The following NLRP1 variants were observed in gnomAD, a reference collection of about 807,000 sequenced individuals.
NLRP1 encodes NACHT, LRR and PYD domains-containing protein 1.
NLRP1 carries 94 observed loss-of-function variants against 136.7 expected under a neutral mutation model. The observed-to-expected ratio is 0.69, with a 90% CI of 0.58 to 0.82. The LOEUF is 0.82. NLRP1 is among the 40% of genes least tolerant of loss of function. NLRP1 has a pLI of 0.00. For missense variants in NLRP1, 1,575 were observed against 1,802.7 expected, an observed-to-expected ratio of 0.87 and a Z score of 2.29; for synonymous variants, 690 against 725.1, an observed-to-expected ratio of 0.95 and a Z score of 0.78.
chr17:5,519,447 T>A (rs1597395410), intron 14 of NLRP1, among the ~76,000 whole-genome samples: 2 of 135,672 alleles, frequency 1.5e-5, no homozygotes, highest in East Asian at 2.0e-4. Flanking sequence ...CACCTGGCCT[T>A]TTTTTTTTTT....
chr17:5,581,861 G>A lies in NLRP1; in HGVS notation c.650C>T (p.Thr217Ile), dbSNP rs748458090. Residue 217 changes from threonine to isoleucine, a missense_variant and splice_region_variant, in exon 3 of 17, where the codon ACA (threonine) becomes ATA (isoleucine). Physicochemically the swap from Thr to Ile is moderately conservative, Grantham distance 89. Coordinates refer to ENST00000572272, the MANE Select transcript of NLRP1 (RefSeq NM_033004.4). ...CCAGGAGCTCAGTAGGGTCTCACCT[G>A]TGTAGTAAATTCCTGACGTTTCATC... ...PLDETSGIYY[T>I]EIREREREKS... 2 of 1,611,022 alleles carry A rather than the reference G, an allele frequency of 1.2e-6. No individual in the cohort carries two copies. The highest frequency in any genetic ancestry group is 2.2e-5 in the East Asian group (1 of 44,842).
At chr17:5,532,237 ACT>A (rs1016520812) in intron 11 of NLRP1, among the ~76,000 whole-genome samples, 20 of 152,166 alleles carry the variant, frequency 1.3e-4, no homozygotes, top group African/African-American at 3.9e-4. Context: ...ACAGAGCAAG[ACT>A]CTGTCTCAAA....
At chr17:5,533,847 C>A in intron 9 of NLRP1, 50 bp downstream of exon 9, 1 of 1,267,020 alleles carries the variant, frequency 7.9e-7, no homozygotes, top group South Asian at 1.3e-5. Context: ...CCACAGCTGA[C>A]CTCCCCCAAC....
chr17:5,506,437 G>C (rs1462560780), intron 15 of NLRP1, among the ~76,000 whole-genome samples: 1 of 152,166 alleles, frequency 6.6e-6, no homozygotes, highest in Admixed American at 6.5e-5. Context: ...ACCCAAAAGA[G>C]TTGAAAACAA....
chr17:5,516,573 C>A (rs1356918160), intron 15 of NLRP1, among the ~76,000 whole-genome samples: 1 of 152,188 alleles, frequency 6.6e-6, no homozygotes, highest in Non-Finnish European at 1.5e-5. Flanking sequence ...AACATTGCTA[C>A]GATTTGTTAA....
At chr17:5,542,986 T>A (rs907759124) in intron 5 of NLRP1, among the ~76,000 whole-genome samples, 3 of 152,122 alleles carry the variant, frequency 2.0e-5, no homozygotes, top group Non-Finnish European at 2.9e-5. Context: ...CCTGCCACCA[T>A]GCCCGGCTAA....
rs139757374 is a variant in NLRP1, at chr17:5,541,203, G to A, written c.2699+654C>T. Among the ~76,000 whole-genome samples, 11 of 152,144 alleles carry A rather than the reference G, an allele frequency of 7.2e-5. No homozygotes were observed. Among genetic ancestry groups the A allele is most frequent in the South Asian group, 2.1e-4 (1 of 4,818 alleles). On this transcript the variant is annotated intron_variant, in intron 6 of 16. Coordinates refer to ENST00000572272, the MANE Select transcript of NLRP1 (RefSeq NM_033004.4). This position sits in a 1 kb window ranked among gnomAD's most constrained non-coding sequence, Gnocchi z 4.2. ...TGGGATTACAGGTGCCCACCATCAC[G>A]CCTGGCTACTTTGTGTAGTTTTAGT...
chr17:5,516,696 T>A (rs1232191046), intron 15 of NLRP1, among the ~76,000 whole-genome samples: 6 of 152,218 alleles, frequency 3.9e-5, no homozygotes, highest in African/African-American at 1.4e-4. Flanking sequence ...ATGAATTAAG[T>A]AATTTTCCCA....
chr17:5,575,370 A>G (rs1904907219), intron 3 of NLRP1, among the ~76,000 whole-genome samples: 2 of 152,236 alleles, frequency 1.3e-5, no homozygotes, highest in Non-Finnish European at 2.9e-5. Context: ...TGCTGTATTC[A>G]GGAAACCCAT....
Position 5,584,159 on chromosome 17 carries a change from G to C in NLRP1, c.-202C>G. On this transcript the variant is annotated 5_prime_UTR_variant, in exon 1 of 17. Coordinates refer to ENST00000572272, the MANE Select transcript of NLRP1 (RefSeq NM_033004.4). ...GTAGGAAAAGCCAGGGGAGGGAGGAGCCCAGAGGGGCCTGCAAGACACTGG... is the reference window on the plus strand; with the variant it reads ...GTAGGAAAAGCCAGGGGAGGGAGGACCCCAGAGGGGCCTGCAAGACACTGG... 1 of 599,584 alleles carries C rather than the reference G, an allele frequency of 1.7e-6. No homozygotes were observed. Among genetic ancestry groups the C allele is most frequent in the Non-Finnish European group, 2.9e-6 (1 of 340,622 alleles). The allele number at this position is 599,584 out of a possible 1,614,324, so 37.1% of individuals were successfully genotyped here.
Position 5,559,790 on chromosome 17 carries a change from A to G in NLRP1, c.906T>C (p.Asp302=). 1 of 1,614,190 alleles carries G rather than the reference A, an allele frequency of 6.2e-7. No individual in the cohort carries two copies. The highest frequency in any genetic ancestry group is 8.5e-7 in the Non-Finnish European group (1 of 1,180,026). The change falls in exon 4 of 17, where the codon GAT becomes GAC. Residue 302 remains aspartate, a synonymous_variant. Transcript: ENST00000572272. The part of the protein sequence containing the change: ...QDPLVKRSWP[D]YVEENRGHLI... ...AATGTCCTCGATTCTCCTCCACATA[A>G]TCAGGCCAGCTTCTCTTGACCAGGG...
chr17:5,508,230 C>A (rs57512487), intron 15 of NLRP1, among the ~76,000 whole-genome samples: 42,607 of 150,896 alleles, frequency 0.28, 6,421 homozygotes, highest in African/African-American at 0.4. Context: ...CCTAGGAGGC[C>A]GAGGTTGCAG....
At position 5,584,159 on chromosome 17, in the gene NLRP1, G is replaced by T; in HGVS notation, c.-202C>A. 1 of 599,584 alleles carries T rather than the reference G, an allele frequency of 1.7e-6. No individual in the cohort carries two copies. Among genetic ancestry groups the T allele is most frequent in the Admixed American group, 3.0e-5 (1 of 33,558 alleles). The allele number at this position is 599,584 out of a possible 1,614,324, so 37.1% of individuals were successfully genotyped here. A position where few individuals can be genotyped will look rare whatever the true frequency, so the allele number is the denominator to read the frequency against. Reference sequence around the variant, plus strand: ...GTAGGAAAAGCCAGGGGAGGGAGGAGCCCAGAGGGGCCTGCAAGACACTGG... The same window carrying T: ...GTAGGAAAAGCCAGGGGAGGGAGGATCCCAGAGGGGCCTGCAAGACACTGG... On this transcript the variant is annotated 5_prime_UTR_variant, in exon 1 of 17. Transcript: ENST00000572272.
downstream of NLRP1, chr17:5,512,467 C>T (rs1907704655): frequency 8.4e-6 from 6 of 712,940 alleles, no homozygotes; most frequent in South Asian, 6.4e-5. Flanking sequence ...ACAATGGAAA[C>T]ACACCATTGC....
At chr17:5,570,113 CA>C (rs1191772177) in intron 3 of NLRP1, among the ~76,000 whole-genome samples, 33 of 151,758 alleles carry the variant, frequency 2.2e-4, no homozygotes, top group Admixed American at 2.2e-3. Context: ...ACAGATAAAG[CA>C]GTGGAAAGTT....
chr17:5,515,426 C>G, intron 16 of NLRP1, 47 bp downstream of exon 16: 2 of 1,500,278 alleles, frequency 1.3e-6, no homozygotes, highest in African/African-American at 2.7e-5. Context: ...CAGACAGTAC[C>G]CCAGAACTGC....
Position 5,559,937 on chromosome 17 carries a change from G to A in NLRP1, c.759C>T (p.His253=), listed in dbSNP as rs774870777. 3 of 1,614,104 alleles carry A rather than the reference G, an allele frequency of 1.9e-6. No homozygotes were observed. The highest frequency in any genetic ancestry group is 2.2e-5 in the South Asian group (2 of 91,092). ...QAHTSLQPHH[H]PWEPSVRESL... ...TCTCTCTCACAGAAGGCTCCCATGG[G>A]TGGTGGTGGGGCTGTAGGCTGGTGT... The change falls in exon 4 of 17, where the codon CAC becomes CAT. Residue 253 remains histidine, a synonymous_variant. Coordinates refer to ENST00000572272, the MANE Select transcript of NLRP1 (RefSeq NM_033004.4).
intron 6 of NLRP1, 116 bp from the exon 7 acceptor site, chr17:5,539,701 A>C: frequency 7.1e-7 from 1 of 1,415,268 alleles, no homozygotes; most frequent in South Asian, 1.5e-5. Flanking sequence ...CTGGGATGAC[A>C]TGCAGAGAAG....
chr17:5,529,648 G>A (rs994231727), intron 12 of NLRP1, among the ~76,000 whole-genome samples: 3 of 152,118 alleles, frequency 2.0e-5, no homozygotes, highest in Non-Finnish European at 4.4e-5. Context: ...TCACAGGCGT[G>A]AGCCACTGCG....
Sources: gnomAD v4.1 joint callset for allele counts (sites outside exome capture counted in the v4.1 genomes callset) on GRCh38, gnomAD v4.1.1 for gene constraint, Gnocchi (gnomAD v3.1) non-coding constraint, MANE v1.5 for transcripts, NCBI Gene and HGNC (gene_info 2026-07-23, HGNC 2026-07-21) for gene names.